Variants in RANBP2 observed in about 807,000 individuals in gnomAD.
RANBP2 encodes the protein E3 SUMO-protein ligase RanBP2.
In RANBP2, 57 loss-of-function variants were observed where a neutral mutation model predicts 303.6. The observed-to-expected ratio is 0.19, with a 90% CI of 0.15 to 0.23. The LOEUF is 0.23. RANBP2 is among the 10% of genes least tolerant of loss of function. RANBP2 has a pLI of 1.00. For synonymous variants in RANBP2, 1,167 were observed against 1,301.5 expected (o/e 0.90, Z 2.23); for missense variants, 3,138 against 3,780.8 (o/e 0.83, Z 4.46).
At chr2:108,889,555 C>CT in the RANBP2 span, among the ~76,000 whole-genome samples, 3,241 of 149,934 alleles carry the variant, frequency 0.022, 105 homozygotes, top group African/African-American at 0.077. Context: ...TTTTTCTTTT[C>CT]TTTTTTTTTT....
the RANBP2 span, among the ~76,000 whole-genome samples, chr2:108,930,764 G>A: frequency 6.6e-6 from 1 of 152,204 alleles, no homozygotes; most frequent in Non-Finnish European, 1.5e-5. Context: ...TATGAAGGGA[G>A]CTACCAACGA....
the RANBP2 span, among the ~76,000 whole-genome samples, chr2:109,303,860 G>T: frequency 2.0e-5 from 3 of 152,030 alleles, no homozygotes; most frequent in Non-Finnish European, 4.4e-5. Context: ...GTTGTGCATC[G>T]CCTCCTGCCT....
chr2:108,964,704 T>C, the RANBP2 span, among the ~76,000 whole-genome samples: 1 of 152,196 alleles, frequency 6.6e-6, no homozygotes, highest in Non-Finnish European at 1.5e-5. Flanking sequence ...AGCATCCCAG[T>C]GCTGGAATCC....
the RANBP2 span, among the ~76,000 whole-genome samples, chr2:108,955,961 G>A: frequency 2.0e-5 from 3 of 152,126 alleles, no homozygotes; most frequent in Non-Finnish European, 4.4e-5. Flanking sequence ...CCCAGGAGGT[G>A]GAGCTTGCAG....
At chr2:109,532,230 A>C in the RANBP2 span, among the ~76,000 whole-genome samples, 1 of 152,240 alleles carries the variant, frequency 6.6e-6, no homozygotes, top group Non-Finnish European at 1.5e-5. Context: ...CATCCCCTGC[A>C]AGGGAGGAAG....
At chr2:109,200,665 AG>A in the RANBP2 span, among the ~76,000 whole-genome samples, 1 of 152,106 alleles carries the variant, frequency 6.6e-6, no homozygotes. Flanking sequence ...GCCAAGCTGG[AG>A]GCCTCTTTTC....
At chr2:108,877,889 G>C in the RANBP2 span, among the ~76,000 whole-genome samples, 132,796 of 152,156 alleles carry the variant, frequency 0.87, 58,331 homozygotes, top group East Asian at 1. Flanking sequence ...CAGTTACTTA[G>C]AAGAAAGGAA....
At chr2:108,723,703 A>C (rs1362976313) in intron 1 of RANBP2, among the ~76,000 whole-genome samples, 1 of 152,112 alleles carries the variant, frequency 6.6e-6, no homozygotes. Flanking sequence ...CATTTATATA[A>C]ATATAAGGTA....
the RANBP2 span, among the ~76,000 whole-genome samples, chr2:108,845,859 C>G: frequency 6.6e-6 from 1 of 152,188 alleles, no homozygotes; most frequent in Non-Finnish European, 1.5e-5. Context: ...GCGTGAGCCA[C>G]CGCGCCCAGC....
At chr2:109,471,380 A>G in the RANBP2 span, among the ~76,000 whole-genome samples, 1 of 152,188 alleles carries the variant, frequency 6.6e-6, no homozygotes, top group South Asian at 2.1e-4. Context: ...AGGAGAGAGA[A>G]GAGAAAGTGA....
the RANBP2 span, among the ~76,000 whole-genome samples, chr2:109,626,723 C>G: frequency 6.6e-6 from 1 of 152,166 alleles, no homozygotes; most frequent in East Asian, 1.9e-4. Context: ...GCTGCTCAGA[C>G]CTGTACTTCT....
At chr2:108,753,404 A>G (rs774340421) in intron 13 of RANBP2, 22 bp from the exon 14 acceptor site, 124 of 1,611,382 alleles carry the variant, frequency 7.7e-5, no homozygotes, top group Non-Finnish European at 1.0e-4. Context: ...CAATTTGACT[A>G]AAAACTATTC....
the RANBP2 span, chr2:109,129,305 T>C: frequency 7.9e-6 from 6 of 757,338 alleles, no homozygotes; most frequent in African/African-American, 1.9e-5. Flanking sequence ...GGCGCTGCGC[T>C]CAGGACTGGG....
the RANBP2 span, among the ~76,000 whole-genome samples, chr2:109,561,988 T>C: frequency 2.2e-5 from 3 of 133,944 alleles, no homozygotes; most frequent in South Asian, 4.9e-4. Context: ...CAGGAATTCC[T>C]GACCCCAAGG....
the RANBP2 span, among the ~76,000 whole-genome samples, chr2:109,405,314 C>T: frequency 6.6e-6 from 1 of 152,140 alleles, no homozygotes. Context: ...CTTAGGTGCC[C>T]TGAGCTAACA....
the RANBP2 span, among the ~76,000 whole-genome samples, chr2:108,867,623 G>A: frequency 1.3e-5 from 2 of 152,272 alleles, no homozygotes; most frequent in South Asian, 4.1e-4. Context: ...AAAAAGGAAT[G>A]AGGGTGGACT....
the RANBP2 span, among the ~76,000 whole-genome samples, chr2:109,390,139 G>A: frequency 6.6e-6 from 1 of 152,222 alleles, no homozygotes; most frequent in Non-Finnish European, 1.5e-5. Context: ...CTGCTGCCAA[G>A]GGTCTGAGGT....
the RANBP2 span, among the ~76,000 whole-genome samples, chr2:108,903,542 G>A: frequency 2.0e-5 from 3 of 151,982 alleles, no homozygotes; most frequent in African/African-American, 7.2e-5. Flanking sequence ...ATTATCAGAG[G>A]GACAGACATG....
the RANBP2 span, among the ~76,000 whole-genome samples, chr2:109,737,806 A>C: frequency 6.6e-6 from 1 of 151,966 alleles, no homozygotes; most frequent in South Asian, 2.1e-4. Context: ...TGCAGTTTAG[A>C]TTTGCATTTC....
Sources: gnomAD v4.1 joint callset for allele counts (sites outside exome capture counted in the v4.1 genomes callset) on GRCh38, gnomAD v4.1.1 for gene constraint, MANE v1.5 for transcripts, NCBI Gene and HGNC (gene_info 2026-07-23, HGNC 2026-07-21) for gene names.